AP4S1: variants seen among roughly 807,000 people sequenced by gnomAD.
AP4S1 encodes AP-4 complex subunit sigma-1.
AP4S1 carries 23 observed loss-of-function variants against 19.8 expected under a neutral mutation model. That is an observed-to-expected ratio of 1.16 (90% confidence interval 0.84 to 1.65). AP4S1 has a LOEUF of 1.65. Ranked by LOEUF, AP4S1 falls within the 40% of genes most tolerant of loss-of-function variation. AP4S1 has a pLI of 0.00. For synonymous variants in AP4S1, 46 were observed against 54.1 expected, an observed-to-expected ratio of 0.85 and a Z score of 0.66; for missense variants, 166 against 172.8, an observed-to-expected ratio of 0.96 and a Z score of 0.22.
chr14:31,061,475 C>T (rs1886436295), intron 1 of AP4S1, among the ~76,000 whole-genome samples: 3 of 152,192 alleles, frequency 2.0e-5, no homozygotes, highest in Admixed American at 2.0e-4. Context: ...TCTTAACAGA[C>T]ATCTAAGGAA....
At chr14:31,027,428 C>G (rs1032899557) in intron 1 of AP4S1, 1 of 152,176 alleles carries the variant, frequency 6.6e-6, no homozygotes, top group Non-Finnish European at 1.5e-5. Context: ...TTTGGGAAGC[C>G]GAGGTGGGCG....
At chr14:31,062,705 T>C (rs1292976617) in intron 1 of AP4S1, among the ~76,000 whole-genome samples, 2 of 152,268 alleles carry the variant, frequency 1.3e-5, no homozygotes, top group African/African-American at 4.8e-5. Context: ...CGGTGGCTCA[T>C]GCCTGTAATC....
At chr14:31,045,105 T>G (rs1310799301) in intron 1 of AP4S1, among the ~76,000 whole-genome samples, 1 of 152,126 alleles carries the variant, frequency 6.6e-6, no homozygotes, top group Non-Finnish European at 1.5e-5. Context: ...TTTCACTATG[T>G]TGGCCAGGTT....
chr14:31,079,595 C>T (rs972099743), intron 4 of AP4S1, among the ~76,000 whole-genome samples: 3 of 152,094 alleles, frequency 2.0e-5, no homozygotes, highest in Non-Finnish European at 2.9e-5. Context: ...GAGGCTGAGG[C>T]AGGTGGATTG....
At chr14:31,073,228 C>T (rs550686159) in intron 4 of AP4S1, 34 of 392,452 alleles carry the variant, frequency 8.7e-5, no homozygotes, top group Admixed American at 1.5e-4. Context: ...CGATGGCTCA[C>T]GCCTGTAATC....
rs1887065171 is a variant in AP4S1 at position 31,072,466 on chromosome 14, G to T, written c.226-439G>T. Among the ~76,000 whole-genome samples, 3 of 152,024 alleles carry T rather than the reference G, an allele frequency of 2.0e-5. No individual in the cohort carries two copies. In the South Asian group the frequency reaches 6.2e-4, roughly 32 times the overall value. On this transcript the variant is annotated intron_variant, in intron 3 of 5. Transcript: ENST00000542754. ...GCTCACTGCAGCCTGGAACTCCTGG[G>T]GTCAAGCCATCCTCCTGCCTCAGTC...
Position 31,025,738 on chromosome 14 carries a change from G to C in AP4S1, c.-121G>C, listed in dbSNP as rs1477729803. The C allele has an allele frequency of 4.4e-6, 4 of 912,710 alleles. No individual in the cohort carries two copies. Among genetic ancestry groups the C allele is most frequent in the Non-Finnish European group, 6.4e-6 (4 of 625,894 alleles). 56.5% of individuals were successfully genotyped at this position (912,710 alleles called of 1,614,324 possible). A position where few individuals can be genotyped will look rare whatever the true frequency, so the allele number is the denominator to read the frequency against. ...AAGCTTATGCGGGAAAGAGGGAGGG[G>C]GACTCCAGGAAAAGCCGTTGAGAGG... On this transcript the variant is annotated 5_prime_UTR_variant, in exon 1 of 6. Coordinates refer to ENST00000542754, the MANE Select transcript of AP4S1 (RefSeq NM_001128126.3).
At chr14:31,066,359 T>G in intron 2 of AP4S1, 25 bp downstream of exon 2, 1 of 1,613,760 alleles carries the variant, frequency 6.2e-7, no homozygotes, top group African/African-American at 1.3e-5. Flanking sequence ...CTCTCTTTTA[T>G]CTCTGCATTC....
chr14:31,058,173 G>A (rs113948660), intron 1 of AP4S1, among the ~76,000 whole-genome samples: 1,917 of 151,864 alleles, frequency 0.013, 19 homozygotes, highest in Middle Eastern at 0.024. Flanking sequence ...CAGGTGATCC[G>A]CCCACCTTGG....
rs143384644 is a variant in AP4S1 at position 31,086,410 on chromosome 14, ATTTG to A, written c.306+5850_306+5853del. 4.6e-3 allele frequency: 700 copies of A among 152,420 alleles called. 5 individuals are homozygous for A. Among genetic ancestry groups the A allele is most frequent in the African/African-American group, 0.014 (573 of 41,494 alleles). 9.4% of individuals were successfully genotyped at this position (152,420 alleles called of 1,614,324 possible). On this transcript the variant is annotated intron_variant, in intron 5 of 5. Transcript: ENST00000542754. ...ATGTGATGACTTCAGGAATGGCTTG[ATTTG>A]TTTGTTTGTTTGTTTGTTTGTTTTT...
chr14:31,042,613 T>C (rs1885172843), intron 1 of AP4S1, among the ~76,000 whole-genome samples: 1 of 152,186 alleles, frequency 6.6e-6, no homozygotes, highest in African/African-American at 2.4e-5. Context: ...ATATAGTATA[T>C]AGATTCCTCA....
intron 1 of AP4S1, among the ~76,000 whole-genome samples, chr14:31,060,562 G>A (rs1343067815): frequency 6.6e-6 from 1 of 152,182 alleles, no homozygotes; most frequent in African/African-American, 2.4e-5. Context: ...CTTGAGCCAG[G>A]TCTGTCTTAC....
intron 1 of AP4S1, among the ~76,000 whole-genome samples, chr14:31,028,641 G>A (rs755323216): frequency 2.0e-5 from 3 of 151,766 alleles, no homozygotes; most frequent in African/African-American, 4.8e-5. Flanking sequence ...GGCCAGGTGC[G>A]GTGGCTCACA....
intron 1 of AP4S1, among the ~76,000 whole-genome samples, chr14:31,051,236 A>G (rs1017910217): frequency 1.3e-5 from 2 of 151,384 alleles, no homozygotes; most frequent in African/African-American, 4.9e-5. Flanking sequence ...AGCCTAGGTG[A>G]CAGAGCAAAA....
At chr14:31,040,388 C>T (rs1885042398) in intron 1 of AP4S1, among the ~76,000 whole-genome samples, 1 of 152,010 alleles carries the variant, frequency 6.6e-6, no homozygotes. Context: ...TCTTAGTAAG[C>T]TTTCATTTAT....
chr14:31,049,363 G>A (rs1255375658), intron 1 of AP4S1, among the ~76,000 whole-genome samples: 2 of 142,288 alleles, frequency 1.4e-5, no homozygotes, highest in African/African-American at 2.6e-5. Flanking sequence ...GCAGTGAGCC[G>A]AGATCGCACC....
chr14:31,073,124 C>G (rs1887105652), intron 4 of AP4S1, 151 bp downstream of exon 4: 5 of 707,138 alleles, frequency 7.1e-6, no homozygotes, highest in Non-Finnish European at 1.3e-5. Flanking sequence ...CTTTATCTTT[C>G]CTTCTGGTTT....
At chr14:31,036,979 A>AT (rs1362672113) in intron 1 of AP4S1, among the ~76,000 whole-genome samples, 1 of 151,744 alleles carries the variant, frequency 6.6e-6, no homozygotes, top group Non-Finnish European at 1.5e-5. Context: ...TGCCCGGCTA[A>AT]TTTTTTGTAT....
chr14:31,092,318 G>A (rs936089640), intron 5 of AP4S1, among the ~76,000 whole-genome samples: 1 of 152,214 alleles, frequency 6.6e-6, no homozygotes, highest in Admixed American at 6.5e-5. Context: ...TGAGGAGGGA[G>A]GTGTCTAGCC....
Sources: allele counts gnomAD v4.1 joint callset (sites outside exome capture counted in the v4.1 genomes callset), GRCh38; gene constraint gnomAD v4.1.1; transcripts MANE v1.5; gene names NCBI Gene and HGNC (gene_info 2026-07-23, HGNC 2026-07-21).